NME9: variants seen among roughly 807,000 people sequenced by gnomAD.
The protein encoded by NME9 is NME/NM23 family member 9.
A neutral mutation model predicts 44.4 loss-of-function variants in NME9; 48 were observed. That is an observed-to-expected ratio of 1.08 (90% CI 0.86 to 1.37). The LOEUF (loss-of-function observed/expected upper bound fraction) is 1.37. Among genes scored for constraint, NME9 ranks in the 40% most tolerant of loss-of-function variants. NME9 has a pLI of 0.00. For missense variants in NME9, 325 were observed against 405.2 expected, an observed-to-expected ratio of 0.80 and a Z score of 1.70; for synonymous variants, 139 against 147.1, an observed-to-expected ratio of 0.94 and a Z score of 0.40.
At chr3:138,322,137 C>T (rs1310670398) in intron 2 of NME9, among the ~76,000 whole-genome samples, 1 of 152,018 alleles carries the variant, frequency 6.6e-6, no homozygotes, top group African/African-American at 2.4e-5. Context: ...TCGGGTCAAG[C>T]CAGGAAAATG....
At chr3:138,283,560 A>C (rs1054129532) in intron 8 of NME9, among the ~76,000 whole-genome samples, 2 of 152,256 alleles carry the variant, frequency 1.3e-5, no homozygotes, top group South Asian at 4.1e-4. Context: ...CCTCATCCTG[A>C]TGCCCTGCAG....
intron 8 of NME9, chr3:138,262,590 A>C (rs755001282): frequency 1.3e-6 from 2 of 1,582,374 alleles, no homozygotes; most frequent in African/African-American, 1.4e-5. Flanking sequence ...GACTCACCTG[A>C]GGAGATTAAA....
intron 8 of NME9, among the ~76,000 whole-genome samples, chr3:138,285,450 GCC>G (rs2050318147): frequency 6.6e-6 from 1 of 152,040 alleles, no homozygotes; most frequent in African/African-American, 2.4e-5. Flanking sequence ...CACTACACTG[GCC>G]ACTTGAAGTT....
At chr3:138,314,301 T>C (rs778215634) in intron 6 of NME9, 31 bp downstream of exon 6, 2 of 1,419,314 alleles carry the variant, frequency 1.4e-6, no homozygotes, top group Admixed American at 2.0e-5. Context: ...CTGCTTTGCT[T>C]TTTTCCCTTG....
chr3:138,297,149 A>G, downstream of NME9: 1 of 152,238 alleles, frequency 6.6e-6, no homozygotes, highest in Non-Finnish European at 1.5e-5. Context: ...AATTTAATAA[A>G]AGATGCAACT....
Position 138,301,070 on chromosome 3 carries a change from C to CT in NME9, c.*569dup, listed in dbSNP as rs1196902491. Reference sequence around the variant, plus strand: ...TAACCCAGTATCCTCTGAGATGACACTTATATCTCACAACAGGATGTAATA... The same window carrying CT: ...TAACCCAGTATCCTCTGAGATGACACTTTATATCTCACAACAGGATGTAATA... On this transcript the variant is annotated 3_prime_UTR_variant, in exon 11 of 11. Transcript: ENST00000333911. 8 of 972,838 alleles carry CT rather than the reference C, an allele frequency of 8.2e-6. No individual in the cohort carries two copies. In the African/African-American group the frequency reaches 1.4e-4, roughly 17 times the overall value. The allele number at this position is 972,838 out of a possible 1,614,324, so 60.3% of individuals were successfully genotyped here.
intron 2 of NME9, among the ~76,000 whole-genome samples, chr3:138,320,507 A>ATTT (rs1343976756): frequency 2.6e-5 from 4 of 152,222 alleles, no homozygotes; most frequent in Non-Finnish European, 5.9e-5. Context: ...ATAGTGTGCA[A>ATTT]TTTGTGATTT....
intron 1 of NME9, 37 bp downstream of exon 1, chr3:138,329,266 A>C: frequency 6.6e-7 from 1 of 1,524,820 alleles, no homozygotes; most frequent in Non-Finnish European, 8.8e-7. Context: ...CCCCGAGCCC[A>C]ACCCAGAGCT....
intron 8 of NME9, chr3:138,270,222 G>T: frequency 9.5e-7 from 1 of 1,051,852 alleles, no homozygotes; most frequent in South Asian, 1.7e-5. Flanking sequence ...TGAAATGTCT[G>T]GAATTTTCTT....
In NME9 at chr3:138,329,446, C is replaced by T. The variant is rs2053991412; in HGVS notation, c.-111G>A. The T allele has an allele frequency of 2.0e-6, 3 of 1,511,080 alleles. No individual in the cohort carries two copies. Among genetic ancestry groups the T allele is most frequent in the African/African-American group, 1.4e-5 (1 of 70,036 alleles). 93.6% of individuals were successfully genotyped at this position (1,511,080 alleles called of 1,614,324 possible). ...AAGCCCAGAGCCTCCTTCAGACAAG[C>T]CCCCCTCCTACGGCCCCCGGCCCCT... On this transcript the variant is annotated 5_prime_UTR_variant, in exon 1 of 11. Coordinates refer to ENST00000333911, the MANE Select transcript of NME9 (RefSeq NM_001349018.2).
At chr3:138,294,771 T>A (rs2051310561) in intron 8 of NME9, among the ~76,000 whole-genome samples, 1 of 152,168 alleles carries the variant, frequency 6.6e-6, no homozygotes, top group Admixed American at 6.5e-5. Context: ...ATGTTTGTGA[T>A]AGGAATAGTA....
At chr3:138,308,145 CAG>C (rs1477599955) in intron 6 of NME9, among the ~76,000 whole-genome samples, 3 of 152,292 alleles carry the variant, frequency 2.0e-5, no homozygotes, top group Admixed American at 6.5e-5. Context: ...GATGATGCAA[CAG>C]GGGAGCAACA....
intron 8 of NME9, among the ~76,000 whole-genome samples, chr3:138,305,326 CA>C (rs2052168678): frequency 6.6e-6 from 1 of 152,200 alleles, no homozygotes; most frequent in East Asian, 1.9e-4. Context: ...TAGGCAGAGA[CA>C]TTTAAAAGAC....
intron 1 of NME9, among the ~76,000 whole-genome samples, chr3:138,328,641 C>G (rs1203767107): frequency 5.9e-5 from 9 of 152,126 alleles, no homozygotes; most frequent in Admixed American, 5.9e-4. Context: ...AGCACTCTCT[C>G]CTAATTCCAG....
intron 6 of NME9, among the ~76,000 whole-genome samples, chr3:138,308,520 C>T (rs1349235753): frequency 6.6e-6 from 1 of 152,048 alleles, no homozygotes; most frequent in East Asian, 1.9e-4. Context: ...ATTTGGGGAA[C>T]ACAGGAAAGA....
chr3:138,277,755 GC>G (rs1274461487), intron 8 of NME9, among the ~76,000 whole-genome samples: 1 of 152,122 alleles, frequency 6.6e-6, no homozygotes, highest in Non-Finnish European at 1.5e-5. Context: ...ACATATACGT[GC>G]CATACGACCC....
At chr3:138,278,053 C>G (rs2049479904) in intron 8 of NME9, among the ~76,000 whole-genome samples, 1 of 152,042 alleles carries the variant, frequency 6.6e-6, no homozygotes. Context: ...CTGTAAAAGA[C>G]AAAACAGTAG....
intron 8 of NME9, among the ~76,000 whole-genome samples, chr3:138,284,678 A>G (rs1399734237): frequency 2.7e-5 from 4 of 150,558 alleles, no homozygotes; most frequent in Non-Finnish European, 1.5e-5. Flanking sequence ...CATCCTGAAG[A>G]AAAAGAAAAA....
intron 5 of NME9, among the ~76,000 whole-genome samples, 157 bp downstream of exon 5, chr3:138,315,370 C>G (rs766009719): frequency 6.6e-6 from 1 of 152,164 alleles, no homozygotes. Context: ...ACACATATCA[C>G]CAGGGCACAG....
Sources: allele counts gnomAD v4.1 joint callset (sites outside exome capture counted in the v4.1 genomes callset), GRCh38; gene constraint gnomAD v4.1.1; transcripts MANE v1.5; gene names NCBI Gene and HGNC (gene_info 2026-07-23, HGNC 2026-07-21).